C17orf107: variants seen among roughly 807,000 people sequenced by gnomAD.
C17orf107 encodes chromosome 17 open reading frame 107, also known as uncharacterized protein C17orf107.
A neutral mutation model predicts 8.9 loss-of-function variants in C17orf107; 9 were observed. That is an observed-to-expected ratio of 1.02 (90% CI 0.61 to 1.77). The LOEUF (loss-of-function observed/expected upper bound fraction) is 1.77, where lower values mean the gene tolerates loss of function less well. C17orf107 is among the 40% of genes most tolerant of loss of function. The probability of loss-of-function intolerance (pLI) is 0.00; values close to 1 mark genes in which losing one functional copy is unlikely to be tolerated. For synonymous variants in C17orf107, 139 were observed against 120.3 expected (o/e 1.16, Z -1.02); for missense variants, 281 against 249.0 (o/e 1.13, Z -0.86).
In C17orf107 at chr17:4,900,077, C is replaced by G; in HGVS notation, c.208C>G (p.Pro70Ala). The change falls in exon 2 of 3, where the codon CCC (proline) becomes GCC (alanine). Residue 70 changes from proline (P) to alanine (A), a missense_variant. Physicochemically the swap from Pro to Ala is conservative, Grantham distance 27. Coordinates refer to ENST00000381365, the MANE Select transcript of C17orf107 (RefSeq NM_001145536.2). ...GCAGGGGATGCTGCCTGCCCCGAAG[C>G]CCACCCTGGGGCTGGTGTTGAGAGA... is the stretch of plus-strand genomic sequence containing the variant. ...KMQGMLPAPK[P>A]TLGLVLREAT... The G allele has an allele frequency of 1.3e-6, 2 of 1,551,102 alleles. No homozygotes were observed. The highest frequency in any genetic ancestry group is 1.7e-6 in the Non-Finnish European group (2 of 1,147,000).
rs531123327 is a variant in C17orf107, at chr17:4,901,122, C to A, written c.*589C>A. 1.2e-6 allele frequency: 2 copies of A among 1,612,778 alleles called. No homozygotes were observed. The highest frequency in any genetic ancestry group is 1.7e-4 in the Middle Eastern group (1 of 6,060). ...TAGATGACGTCAGTCTCCCCTGGGC[C>A]GTCGGTGGCGCCACCGTGGTGGCGG... On this transcript the variant is annotated 3_prime_UTR_variant, in exon 3 of 3. Transcript: ENST00000381365.
chr17:4,900,962 TG>T lies in C17orf107; in HGVS notation c.*434del, dbSNP rs1164105785. The T allele has an allele frequency of 6.2e-7, 1 of 1,613,592 alleles. No individual in the cohort carries two copies. The highest frequency in any genetic ancestry group is 8.5e-7 in the Non-Finnish European group (1 of 1,179,802). On this transcript the variant is annotated 3_prime_UTR_variant, in exon 3 of 3. Coordinates refer to ENST00000381365, the MANE Select transcript of C17orf107 (RefSeq NM_001145536.2). Reference sequence around the variant, plus strand: ...CGCCTCCCGGGAGCGAGCCCGGGTTTGGGGGTAGGTTCGGGGCCACTGCTTA... The same window carrying T: ...CGCCTCCCGGGAGCGAGCCCGGGTTTGGGGTAGGTTCGGGGCCACTGCTTA...
chr17:4,903,049 C>T (rs756933520), downstream of C17orf107: 10 of 1,613,942 alleles, frequency 6.2e-6, no homozygotes, highest in African/African-American at 9.3e-5. Flanking sequence ...GGACCCCAAG[C>T]GGAGCCCTTG....
chr17:4,902,569 T>C lies in C17orf107; in HGVS notation c.*2036T>C, dbSNP rs918961215. On this transcript the variant is annotated 3_prime_UTR_variant, in exon 3 of 3. Transcript: ENST00000381365. This position sits in a 1 kb window ranked among gnomAD's most constrained non-coding sequence, Gnocchi z 4.0. ...TGAGCTTTAGGACAGAGCTCAGCGG[T>C]TGGGGCCAGAAGTGGGATTTTTGGC... The C allele has an allele frequency of 8.1e-6, 13 of 1,613,894 alleles. No individual in the cohort carries two copies. Among genetic ancestry groups the C allele is most frequent in the Middle Eastern group, 3.3e-4 (2 of 6,084 alleles).
Position 4,902,833 on chromosome 17 carries a change from C to T in C17orf107, c.*2300C>T, listed in dbSNP as rs1970035094. The T allele has an allele frequency of 6.8e-6, 11 of 1,609,310 alleles. No homozygotes were observed. The South Asian group carries it at 1.2e-4, about 18-fold the overall frequency. On this transcript the variant is annotated 3_prime_UTR_variant, in exon 3 of 3. Transcript: ENST00000381365. The surrounding 1 kb of genome is among the most constrained non-coding windows in gnomAD (Gnocchi z 4.0). ...TGGAGCACCTCTCTCCCCTCTGCCT[C>T]CCCTGGGTCCTCACAGGCCTCTGAG...
At position 4,900,274 on chromosome 17, in the gene C17orf107, T is replaced by TAGACGGCAGCGCGGGCCCAGCCCC. The variant is rs1567637843; in HGVS notation, c.324_347dup (p.Ser108_Gly115dup). On this transcript the variant is annotated inframe_insertion, in exon 3 of 3. Coordinates refer to ENST00000381365, the MANE Select transcript of C17orf107 (RefSeq NM_001145536.2). ...TGGCTGCAGCAGGAGGCGCGGCGACTAGACGGCAGCGCGGGCCCAGCCCCA... is the reference window on the plus strand; with the variant it reads ...TGGCTGCAGCAGGAGGCGCGGCGACTAGACGGCAGCGCGGGCCCAGCCCCAGACGGCAGCGCGGGCCCAGCCCCA... 1.3e-5 allele frequency: 20 copies of TAGACGGCAGCGCGGGCCCAGCCCC among 1,545,840 alleles called. 1 individual carries two copies. The South Asian group carries it at 1.9e-4, about 15-fold the overall frequency.
At chr17:4,905,315 G>A (rs1970077745), downstream of C17orf107, among the ~76,000 whole-genome samples, 3 of 152,306 alleles carry the variant, frequency 2.0e-5, no homozygotes, top group South Asian at 6.2e-4. Context: ...TTGGGAGGCT[G>A]AGGCTGGAGC....
Position 4,901,753 on chromosome 17 carries a change from C to T in C17orf107, c.*1220C>T, listed in dbSNP as rs901617324. The T allele has an allele frequency of 8.0e-6, 10 of 1,245,472 alleles. No homozygotes were observed. The Admixed American group carries it at 1.7e-4, about 21-fold the overall frequency. The allele number at this position is 1,245,472 out of a possible 1,614,324, so 77.2% of individuals were successfully genotyped here. ...CCCACCCCTTCACCCAAGCCCAGCC[C>T]GCACGCCTCTGTTCCCATCTGTACC... On this transcript the variant is annotated 3_prime_UTR_variant, in exon 3 of 3. Transcript: ENST00000381365.
chr17:4,900,082 C>T lies in C17orf107; in HGVS notation c.213C>T (p.Thr71=). 6.4e-7 allele frequency: 1 copy of T among 1,550,996 alleles called. No individual in the cohort carries two copies. ...GGATGCTGCCTGCCCCGAAGCCCAC[C>T]CTGGGGCTGGTGTTGAGAGAAGCCA... The part of the protein sequence containing the change: ...MQGMLPAPKP[T]LGLVLREATA... Residue 71 remains threonine (T), a synonymous_variant, in exon 2 of 3, where the codon ACC becomes ACT. Coordinates refer to ENST00000381365, the MANE Select transcript of C17orf107 (RefSeq NM_001145536.2).
At chr17:4,904,717 T>G (rs2151100158), downstream of C17orf107, among the ~76,000 whole-genome samples, 1 of 152,362 alleles carries the variant, frequency 6.6e-6, no homozygotes, top group East Asian at 1.9e-4. Context: ...GTGTTTATTT[T>G]ACCCTTCACA....
In C17orf107 at chr17:4,901,837, A is replaced by G; in HGVS notation, c.*1304A>G. 4 of 1,561,926 alleles carry G rather than the reference A, an allele frequency of 2.6e-6. No individual in the cohort carries two copies. The highest frequency in any genetic ancestry group is 2.3e-4 in the Middle Eastern group (1 of 4,354). On this transcript the variant is annotated 3_prime_UTR_variant, in exon 3 of 3. Coordinates refer to ENST00000381365, the MANE Select transcript of C17orf107 (RefSeq NM_001145536.2). ...ACGCCTGGCTCCGCCTCCAGCGCGA[A>G]GCCCCGCCCCGAGGGCGGTGCTTCC...
intron 1 of C17orf107, 37 bp downstream of exon 1, chr17:4,899,865 C>G: frequency 6.5e-7 from 1 of 1,549,952 alleles, no homozygotes; most frequent in Non-Finnish European, 8.7e-7. Context: ...ACCTCGAGAC[C>G]TTCTGGGTAG....
In C17orf107 at chr17:4,902,248, C is replaced by T. The variant is rs746407563; in HGVS notation, c.*1715C>T. ...TCCAGCACAATCTCTGGCAGCCACA[C>T]GAGTTCTGAAGGGACTCGCAGGGTT... On this transcript the variant is annotated 3_prime_UTR_variant, in exon 3 of 3. Transcript: ENST00000381365. This position sits in a 1 kb window ranked among gnomAD's most constrained non-coding sequence, Gnocchi z 4.0. The T allele has an allele frequency of 1.2e-6, 2 of 1,614,182 alleles. No individual in the cohort carries two copies. The highest frequency in any genetic ancestry group is 1.1e-5 in the South Asian group (1 of 91,084).
chr17:4,901,545 A>T lies in C17orf107; in HGVS notation c.*1012A>T. ...TTCACCAGTATAGGCCTCTGTGTCG[A>T]TGTCGATCTTGTTGATGGTCTTGCC... is the stretch of plus-strand genomic sequence containing the variant. On this transcript the variant is annotated 3_prime_UTR_variant, in exon 3 of 3. Coordinates refer to ENST00000381365, the MANE Select transcript of C17orf107 (RefSeq NM_001145536.2). 6.2e-7 allele frequency: 1 copy of T among 1,614,082 alleles called. No individual in the cohort carries two copies. The highest frequency in any genetic ancestry group is 8.5e-7 in the Non-Finnish European group (1 of 1,179,976).
At chr17:4,905,796 G>C (rs887947962), downstream of C17orf107, among the ~76,000 whole-genome samples, 1 of 151,742 alleles carries the variant, frequency 6.6e-6, no homozygotes, top group Non-Finnish European at 1.5e-5. Flanking sequence ...GGGAGACGGA[G>C]GTTGCAGTGA....
chr17:4,901,082 C>T lies in C17orf107; in HGVS notation c.*549C>T, dbSNP rs201434993. 2.2e-5 allele frequency: 35 copies of T among 1,613,702 alleles called. No individual in the cohort carries two copies. The Admixed American group carries it at 4.2e-4, about 19-fold the overall frequency. Reference sequence around the variant, plus strand: ...AATGACGTAGAAGAGCGGCTTCCGGCGGATGATGAGCGAGTAGATGACGTC... The same window carrying T: ...AATGACGTAGAAGAGCGGCTTCCGGTGGATGATGAGCGAGTAGATGACGTC... On this transcript the variant is annotated 3_prime_UTR_variant, in exon 3 of 3. Coordinates refer to ENST00000381365, the MANE Select transcript of C17orf107 (RefSeq NM_001145536.2).
Position 4,899,638 on chromosome 17 carries a change from C to CCG in C17orf107, c.-119_-118dup, listed in dbSNP as rs1969889209. 1.4e-6 allele frequency: 2 copies of CCG among 1,476,576 alleles called. No homozygotes were observed. Among genetic ancestry groups the CCG allele is most frequent in the Admixed American group, 3.9e-5 (2 of 50,952 alleles). The allele number at this position is 1,476,576 out of a possible 1,614,324, so 91.5% of individuals were successfully genotyped here. A position where few individuals can be genotyped will look rare whatever the true frequency, so the allele number is the denominator to read the frequency against. ...TTCCTCCTCCCAGCTACCGAAGGCGCCGCGCGCTGACCTCACAAACACGGC... is the reference window on the plus strand; with the variant it reads ...TTCCTCCTCCCAGCTACCGAAGGCGCCGCGCGCGCTGACCTCACAAACACGGC... On this transcript the variant is annotated 5_prime_UTR_variant, in exon 1 of 3. An upstream open reading frame in the 5' UTR loses its in-frame stop. Coordinates refer to ENST00000381365, the MANE Select transcript of C17orf107 (RefSeq NM_001145536.2).
chr17:4,901,154 AC>A lies in C17orf107; in HGVS notation c.*626del. On this transcript the variant is annotated 3_prime_UTR_variant, in exon 3 of 3. Coordinates refer to ENST00000381365, the MANE Select transcript of C17orf107 (RefSeq NM_001145536.2). ...GGCGCCACCGTGGTGGCGGCGGATC[AC>A]CCCCGGGCAGAAGTCGATGGCCCAC... is the stretch of plus-strand genomic sequence containing the variant. 6.2e-7 allele frequency: 1 copy of A among 1,608,590 alleles called. No homozygotes were observed.
At chr17:4,906,412 TAC>T (rs1970093032), downstream of C17orf107, among the ~76,000 whole-genome samples, 1 of 152,128 alleles carries the variant, frequency 6.6e-6, no homozygotes, top group African/African-American at 2.4e-5. Flanking sequence ...CATAAATTAA[TAC>T]AGTTAATATA....
Sources: gnomAD v4.1 joint callset for allele counts (sites outside exome capture counted in the v4.1 genomes callset) on GRCh38, gnomAD v4.1.1 for gene constraint, Gnocchi (gnomAD v3.1) non-coding constraint, MANE v1.5 for transcripts, NCBI Gene and HGNC (gene_info 2026-07-23, HGNC 2026-07-21) for gene names.